The following SP3 variants were observed in gnomAD, a reference collection of about 807,000 sequenced individuals.
The protein encoded by SP3 is Sp3 transcription factor.
Under a neutral mutation model 70.3 loss-of-function variants are expected in SP3, and 10 were observed. That is an observed-to-expected ratio of 0.14 (90% CI 0.09 to 0.24). The LOEUF is 0.24. SP3 is among the 10% of genes least tolerant of loss of function. The probability of loss-of-function intolerance (pLI) is 1.00; values close to 1 mark genes in which losing one functional copy is unlikely to be tolerated. For missense variants in SP3, 825 were observed against 914.6 expected (o/e 0.90, Z 1.26); for synonymous variants, 402 against 333.5 (o/e 1.21, Z -2.24).
At position 173,965,154 on chromosome 2, in the gene SP3, G is replaced by C; in HGVS notation, c.7+11C>G. The stretch of plus-strand genomic sequence containing the variant: ...GGCAGCAGCAAGGGTTGCTCTCTCG[G>C]CTTTACGTACCGGTCATAGTGTGTT... On this transcript the variant is annotated intron_variant, in intron 1 of 6. Coordinates refer to ENST00000310015, the MANE Select transcript of SP3 (RefSeq NM_003111.5). 2 of 1,548,454 alleles carry C rather than the reference G, an allele frequency of 1.3e-6. No individual in the cohort carries two copies. The highest frequency in any genetic ancestry group is 8.7e-7 in the Non-Finnish European group (1 of 1,146,216).
intron 5 of SP3, among the ~76,000 whole-genome samples, chr2:173,918,245 T>A (rs897855980): frequency 3.3e-5 from 5 of 152,156 alleles, no homozygotes. Flanking sequence ...ACTTAATTTT[T>A]ACGTAACTAC....
At chr2:173,964,278 G>GGGGGAGGGGAGTGGAGGGGA in intron 2 of SP3, 127 bp downstream of exon 2, 1 of 519,814 alleles carries the variant, frequency 1.9e-6, no homozygotes, top group Non-Finnish European at 3.4e-6. Context: ...TCCCGGGGCG[G>GGGGGAGGGGAGTGGAGGGGA]GGGGAGGGGA....
chr2:173,912,340 C>T (rs1559089240), intron 6 of SP3, among the ~76,000 whole-genome samples: 2 of 152,202 alleles, frequency 1.3e-5, no homozygotes, highest in Non-Finnish European at 2.9e-5. Flanking sequence ...GGATTGGAAT[C>T]CAGATGACTT....
intron 4 of SP3, among the ~76,000 whole-genome samples, chr2:173,945,837 CCAGCAAACGTCA>C (rs1420212647): frequency 1.3e-5 from 2 of 152,072 alleles, no homozygotes; most frequent in African/African-American, 4.8e-5. Context: ...TTAAAATAAC[CCAGCAAACGTCA>C]GGCCTGGTGG....
At position 173,910,071 on chromosome 2, in the gene SP3, T is replaced by C; in HGVS notation, c.2216A>G (p.Asn739Ser). Residue 739 changes from asparagine to serine, a missense_variant, in exon 7 of 7, where the codon AAT becomes AGT. By Grantham distance (46) the Asn-to-Ser change is conservative (BLOSUM62 1). Coordinates refer to ENST00000310015, the MANE Select transcript of SP3 (RefSeq NM_003111.5). The part of the protein sequence containing the change: ...TAGGTTLILA[N>S]IQQGSVSGIG... ...CCCTGAAACAGAACCTTGTTGAATA[T>C]TTGCAAGGATAAGCGTTGTTCCTCC... The C allele has an allele frequency of 6.2e-7, 1 of 1,612,960 alleles. No individual in the cohort carries two copies. Among genetic ancestry groups the C allele is most frequent in the Non-Finnish European group, 8.5e-7 (1 of 1,179,494 alleles).
intron 4 of SP3, among the ~76,000 whole-genome samples, chr2:173,947,688 G>T (rs185200181): frequency 6.6e-6 from 1 of 152,214 alleles, no homozygotes; most frequent in East Asian, 1.9e-4. Flanking sequence ...AATCTGACAT[G>T]AATTCATCTC....
At chr2:173,957,768 A>C (rs1293667889) in intron 3 of SP3, among the ~76,000 whole-genome samples, 2 of 152,164 alleles carry the variant, frequency 1.3e-5, no homozygotes, top group African/African-American at 4.8e-5. Context: ...AGACTGAAAG[A>C]AAGGGAGGAG....
At chr2:173,945,853 C>T (rs1690520683) in intron 4 of SP3, among the ~76,000 whole-genome samples, 1 of 152,048 alleles carries the variant, frequency 6.6e-6, no homozygotes, top group Admixed American at 6.6e-5. Context: ...AACGTCAGGC[C>T]TGGTGGCTCA....
At chr2:173,957,356 T>G (rs1460523816) in intron 3 of SP3, among the ~76,000 whole-genome samples, 1 of 151,940 alleles carries the variant, frequency 6.6e-6, no homozygotes, top group African/African-American at 2.4e-5. Flanking sequence ...TAGCACAGAC[T>G]AGTCATATGA....
At chr2:173,959,938 G>A (rs1379114139) in intron 3 of SP3, among the ~76,000 whole-genome samples, 2 of 152,134 alleles carry the variant, frequency 1.3e-5, no homozygotes. Flanking sequence ...ACAAAACCTA[G>A]GCAGGTGGAT....
intron 4 of SP3, among the ~76,000 whole-genome samples, chr2:173,934,771 T>C (rs1008676524): frequency 6.6e-6 from 1 of 152,202 alleles, no homozygotes; most frequent in African/African-American, 2.4e-5. Flanking sequence ...AGGTATTACC[T>C]TCAAGGTCAA....
chr2:173,936,461 C>T (rs1690213889), intron 4 of SP3, among the ~76,000 whole-genome samples: 2 of 152,174 alleles, frequency 1.3e-5, no homozygotes, highest in Non-Finnish European at 2.9e-5. Context: ...AATAGTGCAA[C>T]CCTCACCAAT....
intron 4 of SP3, among the ~76,000 whole-genome samples, chr2:173,931,515 T>C (rs576703935): frequency 2.6e-5 from 4 of 151,996 alleles, no homozygotes; most frequent in African/African-American, 7.2e-5. Flanking sequence ...GGCTAATTTT[T>C]GTATTTTCAG....
chr2:173,940,187 T>C (rs1232170690), intron 4 of SP3, among the ~76,000 whole-genome samples: 5 of 152,116 alleles, frequency 3.3e-5, no homozygotes, highest in Admixed American at 1.3e-4. Flanking sequence ...GATGTCTTAA[T>C]AGTAGTCTAG....
At chr2:173,963,183 G>T (rs1016699394) in intron 3 of SP3, 1 of 151,712 alleles carries the variant, frequency 6.6e-6, no homozygotes, top group Admixed American at 6.6e-5. Flanking sequence ...CAAAAAAAAA[G>T]TCACTGCAAA....
Position 173,905,405 on chromosome 2 carries a change from GT to G in SP3, c.*4535del, listed in dbSNP as rs1243875684. ...CCTCTTCATGGATGATGAAAATGAG[GT>G]TTTAAGGTAAGAAAACTACCAATAT... On this transcript the variant is annotated 3_prime_UTR_variant, in exon 7 of 7. Transcript: ENST00000310015. 6.6e-6 allele frequency among the ~76,000 whole-genome samples: 1 copy of G among 152,078 alleles called. No individual in the cohort carries two copies. Among genetic ancestry groups the G allele is most frequent in the Non-Finnish European group, 1.5e-5 (1 of 68,008 alleles).
intron 4 of SP3, among the ~76,000 whole-genome samples, chr2:173,937,577 AT>A (rs1196844729): frequency 1.3e-5 from 2 of 152,164 alleles, no homozygotes; most frequent in Non-Finnish European, 2.9e-5. Context: ...TTGAAAAAAA[AT>A]TTTTAAATAA....
intron 5 of SP3, chr2:173,915,217 G>C (rs971568142): frequency 6.6e-6 from 1 of 152,080 alleles, no homozygotes; most frequent in African/African-American, 2.4e-5. Flanking sequence ...TTGAAAATGG[G>C]ACAGGCATCT....
rs545713205 is a variant in SP3 at position 173,907,707 on chromosome 2, C to T, written c.*2234G>A. 6.6e-6 allele frequency: 1 copy of T among 152,110 alleles called. No individual in the cohort carries two copies. Among genetic ancestry groups the T allele is most frequent in the Non-Finnish European group, 1.5e-5 (1 of 67,988 alleles). 9.4% of individuals were successfully genotyped at this position (152,110 alleles called of 1,614,324 possible). On this transcript the variant is annotated 3_prime_UTR_variant, in exon 7 of 7. Coordinates refer to ENST00000310015, the MANE Select transcript of SP3 (RefSeq NM_003111.5). ...TGGGCAGTTTGCTCAAGTGAACCAC[C>T]TGCTGCTCACTTAATTCTCTTCACA...
Sources: allele counts gnomAD v4.1 joint callset (sites outside exome capture counted in the v4.1 genomes callset), GRCh38; gene constraint gnomAD v4.1.1; transcripts MANE v1.5; gene names NCBI Gene and HGNC (gene_info 2026-07-23, HGNC 2026-07-21).